The following F13A1 variants were observed in gnomAD, a reference collection of about 807,000 sequenced individuals.
F13A1 encodes the protein coagulation factor XIII A chain.
A neutral mutation model predicts 80.1 loss-of-function variants in F13A1; 47 were observed. The ratio of observed to expected loss-of-function variants is 0.59; its 90% CI spans 0.46 to 0.75. The LOEUF (loss-of-function observed/expected upper bound fraction) is 0.75, where lower values mean the gene tolerates loss of function less well. Ranked by LOEUF, F13A1 falls within the 30% of genes least tolerant of loss-of-function variation. The pLI is 0.00. For synonymous variants in F13A1, 349 were observed against 344.9 expected (o/e 1.01, Z -0.13); for missense variants, 817 against 930.4 (o/e 0.88, Z 1.59).
At chr6:6,150,330 T>C (rs1009867423) in intron 14 of F13A1, among the ~76,000 whole-genome samples, 3 of 152,322 alleles carry the variant, frequency 2.0e-5, no homozygotes, top group South Asian at 2.1e-4. Flanking sequence ...GACCTCTCTA[T>C]GTAGCTGGGG....
At chr6:6,188,858 A>C (rs1304570911) in intron 10 of F13A1, among the ~76,000 whole-genome samples, 3 of 71,576 alleles carry the variant, frequency 4.2e-5, no homozygotes, top group South Asian at 5.5e-4. Flanking sequence ...GTGGGAATCT[A>C]AGTCTCTTTG....
intron 11 of F13A1, among the ~76,000 whole-genome samples, chr6:6,178,334 T>C (rs1583057512): frequency 6.6e-6 from 1 of 152,178 alleles, no homozygotes; most frequent in African/African-American, 2.4e-5. Flanking sequence ...CCAGATAATA[T>C]TTAATTTTTA....
chr6:6,305,318 G>A, intron 3 of F13A1, 33 bp downstream of exon 3: 1 of 1,611,618 alleles, frequency 6.2e-7, no homozygotes, highest in South Asian at 1.1e-5. Flanking sequence ...GCAACCCATG[G>A]TGTCAAGACT....
chr6:6,145,920 AG>A (rs1050782113), intron 14 of F13A1, 148 bp from the exon 15 acceptor site: 28 of 1,025,624 alleles, frequency 2.7e-5, no homozygotes, highest in Non-Finnish European at 3.5e-5. Context: ...TGATTCAGCA[AG>A]TTATGCCCCA....
rs192733460 is a variant in F13A1 at position 6,307,423 on chromosome 6, C to G, written c.131-1884G>C. On this transcript the variant is annotated intron_variant, in intron 2 of 14. Coordinates refer to ENST00000264870, the MANE Select transcript of F13A1 (RefSeq NM_000129.4). ...CTGCCTTTCTCCTAAGTCCTCTGGT[C>G]TTATTAAGACCACAATCCCCGTGAT... Among the ~76,000 whole-genome samples, 17 of 152,294 alleles carry G rather than the reference C, an allele frequency of 1.1e-4. 1 individual carries two copies. The highest frequency in any genetic ancestry group is 7.2e-4 in the Admixed American group (11 of 15,294).
intron 3 of F13A1, among the ~76,000 whole-genome samples, chr6:6,280,494 T>A (rs1287153232): frequency 6.6e-6 from 1 of 152,218 alleles, no homozygotes; most frequent in East Asian, 1.9e-4. Context: ...TTGCTTACTA[T>A]AGATGTTCAT....
chr6:6,177,684 A>T (rs930312633), intron 11 of F13A1, among the ~76,000 whole-genome samples: 1 of 152,208 alleles, frequency 6.6e-6, no homozygotes, highest in Non-Finnish European at 1.5e-5. Context: ...AATGTTCCAA[A>T]CACCGTGCTA....
chr6:6,195,983 A>C (rs891763465), intron 9 of F13A1, 98 bp from the exon 10 acceptor site: 1 of 1,090,338 alleles, frequency 9.2e-7, no homozygotes, highest in African/African-American at 1.5e-5. Context: ...TGTAAAGACC[A>C]GTGTTCCCAA....
intron 4 of F13A1, 142 bp from the exon 5 acceptor site, chr6:6,251,071 A>G (rs146336267): frequency 1.6e-5 from 12 of 754,108 alleles, no homozygotes; most frequent in East Asian, 7.4e-5. Flanking sequence ...CACCAAGCAT[A>G]GCTCATTTCC....
intron 6 of F13A1, among the ~76,000 whole-genome samples, chr6:6,236,258 CATT>C (rs1342550260): frequency 6.6e-6 from 1 of 152,090 alleles, no homozygotes; most frequent in Non-Finnish European, 1.5e-5. Flanking sequence ...TACATGTCAA[CATT>C]ATCCAATTGT....
chr6:6,159,111 C>T (rs1760530013), intron 13 of F13A1, among the ~76,000 whole-genome samples: 1 of 152,034 alleles, frequency 6.6e-6, no homozygotes, highest in South Asian at 2.1e-4. Context: ...CCGTGTTAGC[C>T]AGGATGGTCT....
intron 3 of F13A1, among the ~76,000 whole-genome samples, chr6:6,289,085 A>T (rs1486311649): frequency 6.6e-6 from 1 of 152,234 alleles, no homozygotes; most frequent in Non-Finnish European, 1.5e-5. Flanking sequence ...TGAGAATAAA[A>T]AAGTGGTTTC....
At chr6:6,248,443 G>C (rs1424263626) in intron 5 of F13A1, 24 bp from the exon 6 acceptor site, 1 of 1,590,456 alleles carries the variant, frequency 6.3e-7, no homozygotes, top group Non-Finnish European at 8.6e-7. Context: ...GAAAAACAAA[G>C]AGAAACTAGT....
intron 10 of F13A1, among the ~76,000 whole-genome samples, chr6:6,190,021 C>A (rs989587258): frequency 3.9e-4 from 60 of 152,166 alleles, no homozygotes; most frequent in African/African-American, 1.4e-3. Context: ...CGCATCGGCT[C>A]CTGAGGCTTC....
At chr6:6,159,102 C>T (rs555448830) in intron 13 of F13A1, among the ~76,000 whole-genome samples, 11 of 152,074 alleles carry the variant, frequency 7.2e-5, no homozygotes, top group Middle Eastern at 3.4e-3. Context: ...GGGGTTTCAC[C>T]GTGTTAGCCA....
intron 6 of F13A1, among the ~76,000 whole-genome samples, chr6:6,231,319 G>GA (rs978330426): frequency 1.3e-4 from 19 of 151,944 alleles, no homozygotes; most frequent in Admixed American, 1.2e-3. Flanking sequence ...ACATGTAGAA[G>GA]AAAAAAATTC....
At chr6:6,229,107 C>T (rs1191977109) in intron 6 of F13A1, among the ~76,000 whole-genome samples, 1 of 152,082 alleles carries the variant, frequency 6.6e-6, no homozygotes, top group Non-Finnish European at 1.5e-5. Flanking sequence ...ATCAAACTAA[C>T]CTTAGATTGA....
chr6:6,147,545 C>G (rs542255636), intron 14 of F13A1, among the ~76,000 whole-genome samples: 1 of 152,178 alleles, frequency 6.6e-6, no homozygotes, highest in Non-Finnish European at 1.5e-5. Context: ...TATTTCTCAA[C>G]AGCTGTGCTA....
Position 6,224,866 on chromosome 6 carries a change from T to C in F13A1, c.799-6A>G, listed in dbSNP as rs373627744. 8.1e-6 allele frequency: 13 copies of C among 1,613,866 alleles called. No individual in the cohort carries two copies. In the African/African-American group the frequency reaches 1.2e-4, roughly 15 times the overall value. On this transcript the variant is annotated splice_polypyrimidine_tract_variant and splice_region_variant and intron_variant, in intron 6 of 14. Transcript: ENST00000264870. ...TCGTCATCTTTGGCATTCACCTAAA[T>C]GAGTCCGTGAGAAGTGAGAAGGAAG...
Sources: allele counts gnomAD v4.1 joint callset (sites outside exome capture counted in the v4.1 genomes callset), GRCh38; gene constraint gnomAD v4.1.1; transcripts MANE v1.5; gene names NCBI Gene and HGNC (gene_info 2026-07-23, HGNC 2026-07-21).